PPP1R42: variants seen among roughly 807,000 people sequenced by gnomAD.
PPP1R42 encodes protein phosphatase 1 regulatory subunit 42.
In PPP1R42, 34 loss-of-function variants were observed where a neutral mutation model predicts 31.0. That is an observed-to-expected ratio of 1.10 (90% CI 0.83 to 1.46). The LOEUF is 1.46. PPP1R42 is among the 40% of genes most tolerant of loss of function. The pLI, the probability that PPP1R42 is intolerant of heterozygous loss-of-function variation, is 0.00. For synonymous variants in PPP1R42, 103 were observed against 109.8 expected (o/e 0.94, Z 0.39); for missense variants, 268 against 303.0 (o/e 0.88, Z 0.86).
At position 67,028,552 on chromosome 8, in the gene PPP1R42, T is replaced by C; in HGVS notation, c.-146A>G. On this transcript the variant is annotated 5_prime_UTR_variant, in exon 1 of 8. Transcript: ENST00000685739. ...GTCGGTTTCATCGGCGCCGGGTCCC[T>C]ACGCAGACCAGCGGCGGTTGCTGGG... is the stretch of plus-strand genomic sequence containing the variant. 1.0e-6 allele frequency: 1 copy of C among 985,522 alleles called. No individual in the cohort carries two copies. The highest frequency in any genetic ancestry group is 1.2e-6 in the Non-Finnish European group (1 of 829,974). The allele number at this position is 985,522 out of a possible 1,614,324, so 61.0% of individuals were successfully genotyped here.
chr8:66,968,403 C>A (rs1045846875), intron 7 of PPP1R42: 2 of 902,182 alleles, frequency 2.2e-6, no homozygotes, highest in Non-Finnish European at 2.7e-6. Context: ...GGGGCACATA[C>A]CTTTAGCTTT....
At chr8:67,025,511 G>A (rs1429079171) in intron 1 of PPP1R42, among the ~76,000 whole-genome samples, 2 of 151,330 alleles carry the variant, frequency 1.3e-5, no homozygotes, top group East Asian at 3.9e-4. Flanking sequence ...CTATTTTGTA[G>A]GGAAGGCAAA....
rs776670790 is a variant in PPP1R42, at chr8:67,014,510, G to T, written c.212C>A (p.Ala71Asp). 9 of 1,578,402 alleles carry T rather than the reference G, an allele frequency of 5.7e-6. No individual in the cohort carries two copies. The Admixed American group carries it at 6.9e-5, about 12-fold the overall frequency. Residue 71 changes from alanine to aspartate, a missense_variant, in exon 3 of 8, where the codon GCC becomes GAC. Ala to Asp is a moderately radical substitution (Grantham distance 126). Transcript: ENST00000685739. ...CISQITNLNY[A>D]TNLTHLYLQN... ...TAGGTACAAGTGGGTCAGATTTGTG[G>T]CATAATTCAGGTTAGTGATTTGACT... is the stretch of plus-strand genomic sequence containing the variant.
intron 1 of PPP1R42, among the ~76,000 whole-genome samples, chr8:67,023,828 T>C (rs575147510): frequency 2.4e-4 from 36 of 152,000 alleles, no homozygotes; most frequent in African/African-American, 8.7e-4. Flanking sequence ...TAGTATGATA[T>C]TTGCTGTAAG....
intron 7 of PPP1R42, among the ~76,000 whole-genome samples, chr8:66,977,342 T>TA (rs1814707012): frequency 6.6e-6 from 1 of 150,888 alleles, no homozygotes. Flanking sequence ...CTTGCTTTTT[T>TA]TTTTTTTTTT....
At chr8:67,023,468 TTC>T (rs1295541147) in intron 1 of PPP1R42, among the ~76,000 whole-genome samples, 6 of 152,208 alleles carry the variant, frequency 3.9e-5, no homozygotes, top group African/African-American at 1.4e-4. Flanking sequence ...GCAAATGTTA[TTC>T]TTTTAGAAAT....
intron 1 of PPP1R42, among the ~76,000 whole-genome samples, chr8:67,020,168 C>A (rs1028730517): frequency 2.0e-5 from 3 of 151,948 alleles, no homozygotes. Context: ...GCAACATAAT[C>A]CAGGGTTTTT....
chr8:66,995,500 T>C (rs1200443364), intron 5 of PPP1R42, among the ~76,000 whole-genome samples: 1 of 152,216 alleles, frequency 6.6e-6, no homozygotes, highest in Non-Finnish European at 1.5e-5. Context: ...TTGCATTCCT[T>C]CTCCAGAATA....
At chr8:67,027,182 T>G (rs928678717) in intron 1 of PPP1R42, among the ~76,000 whole-genome samples, 3 of 152,138 alleles carry the variant, frequency 2.0e-5, no homozygotes, top group Admixed American at 6.5e-5. Flanking sequence ...ATTACAAGTG[T>G]GAGCCACCAT....
intron 6 of PPP1R42, chr8:66,984,233 A>ATTTCC: frequency 1.3e-6 from 2 of 1,501,820 alleles, no homozygotes; most frequent in Non-Finnish European, 1.9e-6. Context: ...TCTATAGGAC[A>ATTTCC]CTGTTTAAAC....
intron 7 of PPP1R42, among the ~76,000 whole-genome samples, chr8:66,979,188 T>C (rs1454311905): frequency 6.6e-6 from 1 of 152,220 alleles, no homozygotes. Flanking sequence ...GTTTCAGGTC[T>C]TATATTTAGG....
At chr8:67,023,580 TAG>T (rs1256619147) in intron 1 of PPP1R42, among the ~76,000 whole-genome samples, 1 of 152,228 alleles carries the variant, frequency 6.6e-6, no homozygotes, top group Non-Finnish European at 1.5e-5. Flanking sequence ...TTTTATTTTA[TAG>T]AGTCTTTGGG....
At chr8:66,974,763 T>C (rs1335444603) in intron 7 of PPP1R42, among the ~76,000 whole-genome samples, 1 of 152,220 alleles carries the variant, frequency 6.6e-6, no homozygotes, top group Non-Finnish European at 1.5e-5. Flanking sequence ...CCATTGTGTA[T>C]TCTAGGCACC....
chr8:66,999,183 G>C (rs1815414401), intron 5 of PPP1R42, among the ~76,000 whole-genome samples: 1 of 151,794 alleles, frequency 6.6e-6, no homozygotes, highest in African/African-American at 2.4e-5. Flanking sequence ...TCAGCCTCCT[G>C]TGTAGCTGGG....
At chr8:66,993,449 A>G (rs968849754) in intron 5 of PPP1R42, among the ~76,000 whole-genome samples, 1 of 152,022 alleles carries the variant, frequency 6.6e-6, no homozygotes, top group Non-Finnish European at 1.5e-5. Flanking sequence ...ACTATGTTCC[A>G]CCTTCACTAT....
intron 5 of PPP1R42, among the ~76,000 whole-genome samples, chr8:67,006,984 C>A (rs1387301551): frequency 2.7e-5 from 4 of 149,384 alleles, no homozygotes; most frequent in African/African-American, 9.9e-5. Context: ...ACCTTGTGAT[C>A]CACCCGCCTC....
intron 5 of PPP1R42, among the ~76,000 whole-genome samples, chr8:67,006,668 C>A (rs1815687794): frequency 6.6e-6 from 1 of 150,636 alleles, no homozygotes; most frequent in Admixed American, 6.6e-5. Context: ...CATACCCGGC[C>A]TTGCTTATGT....
intron 5 of PPP1R42, among the ~76,000 whole-genome samples, chr8:67,006,469 A>C (rs1453542525): frequency 6.6e-6 from 1 of 152,176 alleles, no homozygotes; most frequent in Non-Finnish European, 1.5e-5. Flanking sequence ...CAGCCTCCTG[A>C]GTACCTGGGA....
chr8:66,984,750 G>GTCT (rs1466002299), intron 6 of PPP1R42: 2 of 1,608,420 alleles, frequency 1.2e-6, no homozygotes, highest in African/African-American at 2.7e-5. Flanking sequence ...CCTTCGTGGG[G>GTCT]TCTTGAACAG....
Sources: allele counts gnomAD v4.1 joint callset (sites outside exome capture counted in the v4.1 genomes callset), GRCh38; gene constraint gnomAD v4.1.1; transcripts MANE v1.5; gene names NCBI Gene and HGNC (gene_info 2026-07-23, HGNC 2026-07-21).